Variants in RRAGD observed in about 807,000 individuals in gnomAD.
The protein encoded by RRAGD is Ras related GTP binding D.
A neutral mutation model predicts 35.5 loss-of-function variants in RRAGD; 12 were observed. That is an observed-to-expected ratio of 0.34 (90% confidence interval 0.22 to 0.55). The LOEUF is 0.55. RRAGD is among the 20% of genes least tolerant of loss of function. RRAGD has a pLI of 0.91. For synonymous variants in RRAGD, 155 were observed against 178.9 expected (o/e 0.87, Z 1.07); for missense variants, 324 against 490.1 (o/e 0.66, Z 3.20).
Position 89,411,352 on chromosome 6 carries a change from C to T in RRAGD, c.148+494G>A, listed in dbSNP as rs1317289425. On this transcript the variant is annotated intron_variant, in intron 1 of 6. Transcript: ENST00000369415. This position sits in a 1 kb window ranked among gnomAD's most constrained non-coding sequence, Gnocchi z 5.6. Reference sequence around the variant, plus strand: ...CCACTACCTGGGTGGGCCCCTCCCGCGGCGACGCGGGGCGAGACTGACACC... The same window carrying T: ...CCACTACCTGGGTGGGCCCCTCCCGTGGCGACGCGGGGCGAGACTGACACC... 2.0e-5 allele frequency: 3 copies of T among 152,628 alleles called. No individual in the cohort carries two copies. The highest frequency in any genetic ancestry group is 7.2e-5 in the African/African-American group (3 of 41,482). The allele number at this position is 152,628 out of a possible 1,614,324, so 9.5% of individuals were successfully genotyped here. A position where few individuals can be genotyped will look rare whatever the true frequency, so the allele number is the denominator to read the frequency against.
rs1156286356 is a variant in RRAGD at position 89,411,801 on chromosome 6, G to T, written c.148+45C>A. The stretch of plus-strand genomic sequence containing the variant: ...GGCTGGGGGCGGGAAGGCGCCAAGG[G>T]GAGGAAAGGGGCGCGAGCCGAGGAC... On this transcript the variant is annotated intron_variant, in intron 1 of 6. Transcript: ENST00000369415. The surrounding 1 kb of genome is among the most constrained non-coding windows in gnomAD (Gnocchi z 5.6). 2.6e-6 allele frequency: 4 copies of T among 1,524,278 alleles called. No homozygotes were observed. In the Admixed American group the frequency reaches 5.9e-5, roughly 23 times the overall value. The allele number at this position is 1,524,278 out of a possible 1,614,324, so 94.4% of individuals were successfully genotyped here.
At chr6:89,386,080 C>T (rs1769132662) in intron 2 of RRAGD, among the ~76,000 whole-genome samples, 1 of 152,168 alleles carries the variant, frequency 6.6e-6, no homozygotes, top group Non-Finnish European at 1.5e-5. Context: ...GTCCACAGTT[C>T]CAGGGAAAGG....
intron 2 of RRAGD, among the ~76,000 whole-genome samples, chr6:89,381,666 A>G (rs1769045841): frequency 6.6e-6 from 1 of 152,194 alleles, no homozygotes; most frequent in Non-Finnish European, 1.5e-5. Flanking sequence ...TTCATTCAAC[A>G]CTATGTCAGT....
chr6:89,388,224 T>C (rs1290221957), intron 1 of RRAGD, among the ~76,000 whole-genome samples: 1 of 152,210 alleles, frequency 6.6e-6, no homozygotes, highest in African/African-American at 2.4e-5. Flanking sequence ...ACTAGCCAAA[T>C]ACAGCTATTT....
Position 89,368,059 on chromosome 6 carries a change from C to T in RRAGD, c.1200G>A (p.Leu400=), listed in dbSNP as rs143956583. 3 of 1,603,730 alleles carry T rather than the reference C, an allele frequency of 1.9e-6. No homozygotes were observed. Among genetic ancestry groups the T allele is most frequent in the African/African-American group, 1.3e-5 (1 of 74,292 alleles). Residue 400 remains leucine (L), a synonymous_variant, in exon 7 of 7, where the codon CTG becomes CTA. Transcript: ENST00000369415. ...AAAGACATTCCTGAAACCTCACCTA[C>T]AGCAGCACTCTAGGGGTCCCATTAG... ...ATPNGTPRVL[L]
intron 5 of RRAGD, among the ~76,000 whole-genome samples, chr6:89,377,022 T>C (rs1489889517): frequency 6.6e-6 from 1 of 152,230 alleles, no homozygotes; most frequent in Non-Finnish European, 1.5e-5. Flanking sequence ...GGTAAAGACC[T>C]TTATGATGAC....
chr6:89,384,750 C>T (rs183259910), intron 2 of RRAGD, among the ~76,000 whole-genome samples: 2 of 148,958 alleles, frequency 1.3e-5, no homozygotes, highest in East Asian at 3.9e-4. Context: ...AGGAGGTGGA[C>T]TTGCAGTGAG....
At chr6:89,388,030 A>C (rs945970096) in intron 1 of RRAGD, among the ~76,000 whole-genome samples, 2 of 152,072 alleles carry the variant, frequency 1.3e-5, no homozygotes, top group Non-Finnish European at 2.9e-5. Context: ...TGTTGACGTG[A>C]GTTATGCCTC....
At chr6:89,406,214 G>T (rs180931716) in intron 1 of RRAGD, among the ~76,000 whole-genome samples, 13 of 152,260 alleles carry the variant, frequency 8.5e-5, no homozygotes, top group Admixed American at 5.2e-4. Flanking sequence ...GAAGGGAAGG[G>T]TGTGGTCCCT....
intron 1 of RRAGD, among the ~76,000 whole-genome samples, chr6:89,400,335 G>C (rs1020953102): frequency 8.5e-5 from 13 of 152,048 alleles, no homozygotes; most frequent in African/African-American, 3.1e-4. Flanking sequence ...AAATTTCCCT[G>C]GGTTTATTTG....
At chr6:89,400,999 G>A (rs904732760) in intron 1 of RRAGD, among the ~76,000 whole-genome samples, 1 of 152,230 alleles carries the variant, frequency 6.6e-6, no homozygotes. Context: ...AAAGAAAAAC[G>A]ATTCATCCCC....
chr6:89,379,362 T>A, intron 3 of RRAGD, 24 bp from the exon 4 acceptor site: 1 of 1,285,260 alleles, frequency 7.8e-7, no homozygotes, highest in Non-Finnish European at 1.1e-6. Context: ...CGGTATTTCA[T>A]CATGTTTTCC....
chr6:89,382,762 G>A (rs1444003443), intron 2 of RRAGD, among the ~76,000 whole-genome samples: 1 of 151,742 alleles, frequency 6.6e-6, no homozygotes, highest in East Asian at 2.0e-4. Flanking sequence ...TGTAATCCCA[G>A]CTACTCAGGA....
Position 89,372,418 on chromosome 6 carries a change from A to T in RRAGD, c.1051+19T>A. The T allele has an allele frequency of 6.3e-7, 1 of 1,597,624 alleles. No individual in the cohort carries two copies. The highest frequency in any genetic ancestry group is 8.5e-7 in the Non-Finnish European group (1 of 1,171,174). On this transcript the variant is annotated intron_variant, in intron 6 of 6. Transcript: ENST00000369415. ...GATGCTTCTTTTAATGCTTCTTTTA[A>T]ATCACACCAAAAAGTTACCTTTTCT...
intron 5 of RRAGD, among the ~76,000 whole-genome samples, chr6:89,375,363 G>A (rs1768918066): frequency 6.6e-6 from 1 of 152,164 alleles, no homozygotes; most frequent in East Asian, 1.9e-4. Context: ...GATGAGGTTT[G>A]CAACTGCAAA....
chr6:89,382,400 A>AATATATATATGTATAT (rs1769058933), intron 2 of RRAGD, among the ~76,000 whole-genome samples: 1 of 130,892 alleles, frequency 7.6e-6, no homozygotes, highest in Non-Finnish European at 1.5e-5. Context: ...TATCTCTAGA[A>AATATATATATGTATAT]ATATATATAT....
At chr6:89,393,187 T>C (rs901731025) in intron 1 of RRAGD, among the ~76,000 whole-genome samples, 1 of 152,144 alleles carries the variant, frequency 6.6e-6, no homozygotes, top group Admixed American at 6.6e-5. Context: ...CAATGAAACA[T>C]GGATAGTTAA....
chr6:89,369,381 A>T (rs950377467), intron 6 of RRAGD, among the ~76,000 whole-genome samples: 2 of 152,256 alleles, frequency 1.3e-5, no homozygotes, highest in Non-Finnish European at 2.9e-5. Flanking sequence ...AAACTGTCTT[A>T]AAAAGCTTAG....
intron 1 of RRAGD, among the ~76,000 whole-genome samples, chr6:89,394,009 C>T (rs947062449): frequency 6.6e-6 from 1 of 152,114 alleles, no homozygotes; most frequent in Non-Finnish European, 1.5e-5. Flanking sequence ...AAGAATAGAG[C>T]ACTGGAAAGT....
Sources: allele counts gnomAD v4.1 joint callset (sites outside exome capture counted in the v4.1 genomes callset), GRCh38; gene constraint gnomAD v4.1.1; non-coding constraint Gnocchi (gnomAD v3.1); transcripts MANE v1.5; gene names NCBI Gene and HGNC (gene_info 2026-07-23, HGNC 2026-07-21).